Variants in ABHD18 observed in about 807,000 individuals in gnomAD.
The protein encoded by ABHD18 is cardiolipin-specific deacylase, mitochondrial.
Under a neutral mutation model 65.9 loss-of-function variants are expected in ABHD18, and 55 were observed. That is an observed-to-expected ratio of 0.84 (90% confidence interval 0.67 to 1.05). The LOEUF (loss-of-function observed/expected upper bound fraction) is 1.05, where lower values mean the gene tolerates loss of function less well. Ranked by LOEUF, ABHD18 falls within the 50% of genes least tolerant of loss-of-function variation. The pLI is 0.00. For synonymous variants in ABHD18, 181 were observed against 180.2 expected, an observed-to-expected ratio of 1.00 and a Z score of -0.04; for missense variants, 533 against 558.5, an observed-to-expected ratio of 0.95 and a Z score of 0.46.
intron 6 of ABHD18, among the ~76,000 whole-genome samples, chr4:128,011,167 G>C (rs976015990): frequency 2.3e-5 from 2 of 88,442 alleles, no homozygotes; most frequent in East Asian, 6.5e-4. Flanking sequence ...TTTTTTTTTT[G>C]AGACGGACTC....
chr4:128,008,991 G>T lies in ABHD18; in HGVS notation c.350G>T (p.Gly117Val). 6.2e-7 allele frequency: 1 copy of T among 1,610,126 alleles called. No individual in the cohort carries two copies. Among genetic ancestry groups the T allele is most frequent in the Non-Finnish European group, 8.5e-7 (1 of 1,178,636 alleles). Reference protein sequence around the residue: ...RPVCIHLAGTGDHHYWRRRTL... With the variant: ...RPVCIHLAGTVDHHYWRRRTL... ...GTATGCATTCATCTTGCTGGAACAG[G>T]AGATCATGTAAGACTTTATTATAAT... The change falls in exon 5 of 13, where the codon GGA (glycine) becomes GTA (valine). Residue 117 changes from glycine to valine, a missense_variant. Physicochemically the swap from Gly to Val is moderately radical, Grantham distance 109. This residue lies in a region of ABHD18 where 309 missense variants were observed against 313.5 expected (regional missense o/e 0.99). Coordinates refer to ENST00000645843, the MANE Select transcript of ABHD18 (RefSeq NM_001358451.3).
intron 2 of ABHD18, among the ~76,000 whole-genome samples, chr4:127,984,007 C>T (rs779666342): frequency 3.6e-4 from 54 of 151,434 alleles, no homozygotes; most frequent in South Asian, 2.1e-3. Flanking sequence ...CCACTGCACT[C>T]GCCTGGGTGA....
intron 1 of ABHD18, among the ~76,000 whole-genome samples, chr4:127,979,410 C>A (rs1011681561): frequency 3.9e-5 from 6 of 152,032 alleles, no homozygotes; most frequent in African/African-American, 1.4e-4. Flanking sequence ...AAAAAATTAG[C>A]CAGGCGTGGT....
chr4:128,000,943 G>A (rs951971146), intron 4 of ABHD18, among the ~76,000 whole-genome samples: 1 of 152,080 alleles, frequency 6.6e-6, no homozygotes, highest in African/African-American at 2.4e-5. Flanking sequence ...CAGCTTGGAT[G>A]TTATTGGTGT....
At chr4:128,026,458 CAAA>C (rs1196814395) in intron 10 of ABHD18, among the ~76,000 whole-genome samples, 6 of 102,124 alleles carry the variant, frequency 5.9e-5, no homozygotes, top group Admixed American at 2.1e-4. Flanking sequence ...GACTCCACCT[CAAA>C]AAAAAAAAAA....
At position 128,028,481 on chromosome 4, in the gene ABHD18, T is replaced by A. The variant is rs1219475798; in HGVS notation, c.808T>A (p.Ser270Thr). Residue 270 changes from serine to threonine, a missense_variant, in exon 11 of 13, where the codon TCT (serine) becomes ACT (threonine). Physicochemically the swap from Ser to Thr is moderately conservative, Grantham distance 58. This residue lies in a region of ABHD18 where 4 missense variants were observed against 18.2 expected (regional missense o/e 0.22). Coordinates refer to ENST00000645843, the MANE Select transcript of ABHD18 (RefSeq NM_001358451.3). ...IHMLEYCGTD[S>T]FKMGQEFVKH... ...TTTCCTTTCATATGTTCAGACAGATTCTTTCAAAATGGGACAAGAGTTTGT... is the reference window on the plus strand; with the variant it reads ...TTTCCTTTCATATGTTCAGACAGATACTTTCAAAATGGGACAAGAGTTTGT... The A allele has an allele frequency of 6.5e-7, 1 of 1,541,910 alleles. No homozygotes were observed. The highest frequency in any genetic ancestry group is 8.7e-7 in the Non-Finnish European group (1 of 1,148,878).
Position 128,009,200 on chromosome 4 carries a change from T to G in ABHD18, c.442+9T>G. 4 of 1,412,500 alleles carry G rather than the reference T, an allele frequency of 2.8e-6. No individual in the cohort carries two copies. The highest frequency in any genetic ancestry group is 3.7e-6 in the Non-Finnish European group (4 of 1,073,186). The allele number at this position is 1,412,500 out of a possible 1,614,324, so 87.5% of individuals were successfully genotyped here. A position where few individuals can be genotyped will look rare whatever the true frequency, so the allele number is the denominator to read the frequency against. ...GTTAGAAAACCCTTATTATATCCTTTTGTGATATCTAAGAAATCTTTTGCC... is the reference window on the plus strand; with the variant it reads ...GTTAGAAAACCCTTATTATATCCTTGTGTGATATCTAAGAAATCTTTTGCC... On this transcript the variant is annotated intron_variant, in intron 6 of 12. Coordinates refer to ENST00000645843, the MANE Select transcript of ABHD18 (RefSeq NM_001358451.3).
In ABHD18 at chr4:128,037,403, T is replaced by C. The variant is rs1457472878; in HGVS notation, c.*1590T>C. 1 of 152,142 alleles carries C rather than the reference T, an allele frequency of 6.6e-6. No homozygotes were observed. Among genetic ancestry groups the C allele is most frequent in the East Asian group, 1.9e-4 (1 of 5,164 alleles). 9.4% of individuals were successfully genotyped at this position (152,142 alleles called of 1,614,324 possible). ...CATTAACTGACGGAGTGCAGTGGCATGATCTTGGCTCACTGCGACCTCCGC... is the reference window on the plus strand; with the variant it reads ...CATTAACTGACGGAGTGCAGTGGCACGATCTTGGCTCACTGCGACCTCCGC... On this transcript the variant is annotated 3_prime_UTR_variant, in exon 13 of 13. Coordinates refer to ENST00000645843, the MANE Select transcript of ABHD18 (RefSeq NM_001358451.3).
chr4:127,983,822 G>A (rs1256667043), intron 2 of ABHD18, among the ~76,000 whole-genome samples: 2 of 152,094 alleles, frequency 1.3e-5, no homozygotes, highest in African/African-American at 2.4e-5. Context: ...CCGAGATCGC[G>A]CTACTGCACA....
intron 2 of ABHD18, among the ~76,000 whole-genome samples, chr4:127,984,008 G>C (rs147381895): frequency 6.6e-6 from 1 of 151,782 alleles, no homozygotes; most frequent in Non-Finnish European, 1.5e-5. Flanking sequence ...CACTGCACTC[G>C]CCTGGGTGAC....
intron 10 of ABHD18, among the ~76,000 whole-genome samples, chr4:128,026,178 A>C (rs1214501367): frequency 2.6e-5 from 4 of 152,156 alleles, no homozygotes; most frequent in Non-Finnish European, 2.9e-5. Flanking sequence ...AATCCCAGCT[A>C]CCCGGGAGGC....
chr4:127,978,966 A>G lies in ABHD18; in HGVS notation c.-17-3973A>G, dbSNP rs145277161. ...ATGTTCCTCAGTTTATGATGAGGTT[A>G]CATTGTATAAATTCATCATAAAGTT... On this transcript the variant is annotated intron_variant, in intron 1 of 12. Transcript: ENST00000645843. Among the ~76,000 whole-genome samples the G allele has an allele frequency of 4.1e-3, 620 of 152,328 alleles. 1 individual carries two copies. The highest frequency in any genetic ancestry group is 5.6e-3 in the Non-Finnish European group (383 of 68,024).
At chr4:128,009,781 A>G (rs967541923) in intron 6 of ABHD18, 3 of 152,402 alleles carry the variant, frequency 2.0e-5, no homozygotes, top group African/African-American at 7.2e-5. Context: ...GCTTTGAAAC[A>G]TCATATCCCT....
chr4:127,977,300 C>T (rs948266965), intron 1 of ABHD18, among the ~76,000 whole-genome samples: 1 of 151,788 alleles, frequency 6.6e-6, no homozygotes, highest in Admixed American at 6.6e-5. Flanking sequence ...TGGAGAAACC[C>T]TGTCTCTACT....
chr4:128,031,230 G>C (rs574226120), intron 12 of ABHD18: 1 of 625,586 alleles, frequency 1.6e-6, no homozygotes, highest in African/African-American at 2.0e-5. Context: ...GGAGGCGGGT[G>C]TATCACGAGG....
chr4:128,001,886 C>T, intron 4 of ABHD18: 1 of 1,093,498 alleles, frequency 9.1e-7, no homozygotes, highest in Non-Finnish European at 1.2e-6. Flanking sequence ...CTCAGAAGAC[C>T]CTTTCAGTTT....
At chr4:128,004,024 C>T (rs1459804997) in intron 4 of ABHD18, among the ~76,000 whole-genome samples, 6 of 151,352 alleles carry the variant, frequency 4.0e-5, no homozygotes, top group Non-Finnish European at 7.4e-5. Context: ...TTTTTTAATA[C>T]TTTACCTAGT....
intron 4 of ABHD18, among the ~76,000 whole-genome samples, chr4:128,008,612 G>T (rs1410272984): frequency 1.3e-5 from 2 of 151,950 alleles, no homozygotes; most frequent in Non-Finnish European, 2.9e-5. Flanking sequence ...ATATATAGTG[G>T]TGTCTCTACA....
At chr4:127,982,071 A>C (rs540533255) in intron 1 of ABHD18, among the ~76,000 whole-genome samples, 1 of 152,294 alleles carries the variant, frequency 6.6e-6, no homozygotes, top group African/African-American at 2.4e-5. Context: ...AAAAAGTAAA[A>C]ATAGAAGATA....
Sources: gnomAD v4.1 joint callset for allele counts (sites outside exome capture counted in the v4.1 genomes callset) on GRCh38, gnomAD v4.1.1 for gene constraint, gnomAD v4.1.1 regional missense constraint, MANE v1.5 for transcripts, NCBI Gene and HGNC (gene_info 2026-07-23, HGNC 2026-07-21) for gene names.